Variants in ZFP82 observed in about 807,000 individuals in gnomAD.
The protein encoded by ZFP82 is zinc finger protein 82 homolog.
A neutral mutation model predicts 54.0 loss-of-function variants in ZFP82; 30 were observed. That is an observed-to-expected ratio of 0.56 (90% CI 0.42 to 0.75). The LOEUF (loss-of-function observed/expected upper bound fraction) is 0.75, where lower values mean the gene tolerates loss of function less well. Among genes scored for constraint, ZFP82 ranks in the 30% least tolerant of loss-of-function variants. ZFP82 has a pLI of 0.00. For synonymous variants in ZFP82, 194 were observed against 209.5 expected, an observed-to-expected ratio of 0.93 and a Z score of 0.64; for missense variants, 500 against 636.8, an observed-to-expected ratio of 0.79 and a Z score of 2.31.
chr19:36,386,666 G>A (rs917657599), downstream of ZFP82, among the ~76,000 whole-genome samples: 9 of 152,210 alleles, frequency 5.9e-5, no homozygotes, highest in Non-Finnish European at 1.2e-4. Context: ...GGCTGGGTGC[G>A]CTGGCTCACG....
At chr19:36,394,622 C>T (rs919507050) in intron 4 of ZFP82, 3 of 155,952 alleles carry the variant, frequency 1.9e-5, no homozygotes, top group East Asian at 3.8e-4. Flanking sequence ...CTGGAGAGGC[C>T]TCCTTGCAGA....
At chr19:36,415,149 CAGA>C (rs1293660732) in intron 1 of ZFP82, among the ~76,000 whole-genome samples, 3 of 152,144 alleles carry the variant, frequency 2.0e-5, no homozygotes, top group African/African-American at 7.2e-5. Context: ...CAAAGTGTTG[CAGA>C]GTCTTTGTCT....
downstream of ZFP82, chr19:36,384,579 T>C (rs1424689174): frequency 6.6e-6 from 1 of 152,174 alleles, no homozygotes; most frequent in Non-Finnish European, 1.5e-5. Flanking sequence ...CCCCAAGAAA[T>C]ATAGTACACA....
At chr19:36,403,352 G>A (rs1260172684) in intron 4 of ZFP82, among the ~76,000 whole-genome samples, 9 of 109,178 alleles carry the variant, frequency 8.2e-5, no homozygotes, top group African/African-American at 2.7e-4. Flanking sequence ...GGCCAGGCGC[G>A]GTGGCTCACA....
chr19:36,384,067 T>A (rs1329430537), downstream of ZFP82: 1 of 152,162 alleles, frequency 6.6e-6, no homozygotes, highest in East Asian at 1.9e-4. Context: ...TCTACTTCTA[T>A]GACAGTATCT....
Position 36,393,445 on chromosome 19 carries a change from G to A in ZFP82, c.895C>T (p.Arg299Trp), listed in dbSNP as rs768172786. The A allele has an allele frequency of 2.5e-6, 4 of 1,613,858 alleles. No individual in the cohort carries two copies. Among genetic ancestry groups the A allele is most frequent in the African/African-American group, 1.3e-5 (1 of 74,956 alleles). ...TCAGCACTATTAAGCTTCTGATGCC[G>A]AGTCAGGTGTGCGTACTGTCTAAAG... ...KAFRQYAHLT[R>W]HQKLNSADRL... Residue 299 changes from arginine to tryptophan, a missense_variant, in exon 5 of 5, where the codon CGG (arginine) becomes TGG (tryptophan). Coordinates refer to ENST00000392161, the MANE Select transcript of ZFP82 (RefSeq NM_133466.4).
intron 1 of ZFP82, 67 bp downstream of exon 1, chr19:36,418,425 G>GAC (rs1220084438): frequency 1.3e-5 from 2 of 152,412 alleles, no homozygotes; most frequent in Non-Finnish European, 2.9e-5. Context: ...TCACGCCCAC[G>GAC]ACACACACAC....
At chr19:36,415,831 A>G (rs762702820) in intron 1 of ZFP82, among the ~76,000 whole-genome samples, 5 of 152,220 alleles carry the variant, frequency 3.3e-5, no homozygotes, top group Non-Finnish European at 5.9e-5. Context: ...CAAATAAGTA[A>G]CACCCATCAG....
chr19:36,394,817 T>C (rs534005130), intron 4 of ZFP82: 1 of 152,342 alleles, frequency 6.6e-6, no homozygotes, highest in East Asian at 1.9e-4. Context: ...TATTCTCTAT[T>C]CCTTGCCTTT....
In ZFP82 at chr19:36,390,331, C is replaced by CTTTTTTTTTTTTTTT. The variant is rs10695573; in HGVS notation, c.*2395_*2409dup. 1 of 130,688 alleles carries CTTTTTTTTTTTTTTT rather than the reference C, an allele frequency of 7.7e-6. No homozygotes were observed. Among genetic ancestry groups the CTTTTTTTTTTTTTTT allele is most frequent in the African/African-American group, 3.0e-5 (1 of 33,774 alleles). The allele number at this position is 130,688 out of a possible 1,614,324, so 8.1% of individuals were successfully genotyped here. ...TTAAAGTGTAGGATTCCATTTTTGT[C>CTTTTTTTTTTTTTTT]TTTTTTTTTTTTTTTTTTGACATGT... On this transcript the variant is annotated 3_prime_UTR_variant, in exon 5 of 5. Transcript: ENST00000392161.
At chr19:36,413,865 C>T (rs922791386) in intron 1 of ZFP82, among the ~76,000 whole-genome samples, 4 of 151,894 alleles carry the variant, frequency 2.6e-5, no homozygotes, top group Admixed American at 1.3e-4. Flanking sequence ...CATCACATAC[C>T]CCTCATTCCA....
At chr19:36,416,428 G>A (rs1171959016) in intron 1 of ZFP82, among the ~76,000 whole-genome samples, 1 of 152,112 alleles carries the variant, frequency 6.6e-6, no homozygotes, top group Non-Finnish European at 1.5e-5. Flanking sequence ...TCCCCTGAAA[G>A]CCTCAAATGA....
At chr19:36,395,425 T>C (rs2145581673) in intron 4 of ZFP82, 2 of 152,364 alleles carry the variant, frequency 1.3e-5, no homozygotes, top group South Asian at 4.1e-4. Context: ...AAAACACGTC[T>C]ATATCTTACT....
chr19:36,417,043 A>T, intron 1 of ZFP82, among the ~76,000 whole-genome samples: 1 of 115,176 alleles, frequency 8.7e-6, no homozygotes. Context: ...ACTGCACTCC[A>T]ACCTGGGTGA....
At chr19:36,415,371 T>G (rs2967504) in intron 1 of ZFP82, among the ~76,000 whole-genome samples, 1 of 151,902 alleles carries the variant, frequency 6.6e-6, no homozygotes, top group Admixed American at 6.5e-5. Context: ...CTAAATATAG[T>G]TGGCAGCTTA....
intron 1 of ZFP82, 74 bp from the exon 2 acceptor site, chr19:36,409,941 C>T: frequency 1.4e-6 from 1 of 732,496 alleles, no homozygotes; most frequent in Non-Finnish European, 2.3e-6. Context: ...TTACTGTGAC[C>T]TTTCCCCTCT....
At chr19:36,396,489 T>C (rs549971361) in intron 4 of ZFP82, among the ~76,000 whole-genome samples, 6 of 151,994 alleles carry the variant, frequency 3.9e-5, no homozygotes, top group African/African-American at 1.4e-4. Context: ...CTACTAAAAA[T>C]AGACACACAC....
In ZFP82 at chr19:36,405,593, T is replaced by A; in HGVS notation, c.216A>T (p.Arg72Ser). Residue 72 changes from arginine (R) to serine (S), a missense_variant, in exon 4 of 5, where the codon AGA becomes AGT. By Grantham distance (110) the Arg-to-Ser change is moderately radical. Transcript: ENST00000392161. ...ACTAGCCCTCACCTGGATATTGTCT[T>A]CTTCCTTTCCTCACAACTTTCCAAG... ...KEPWKVVRKG[R>S]RQYPDLETKY... 8 of 1,610,900 alleles carry A rather than the reference T, an allele frequency of 5.0e-6. No homozygotes were observed. The highest frequency in any genetic ancestry group is 6.8e-6 in the Non-Finnish European group (8 of 1,177,724).
intron 4 of ZFP82, among the ~76,000 whole-genome samples, chr19:36,396,655 CA>C (rs911615294): frequency 6.0e-5 from 9 of 149,316 alleles, no homozygotes; most frequent in East Asian, 2.0e-4. Context: ...GACTCCATCT[CA>C]AAAAAAAATA....
Sources: gnomAD v4.1 joint callset for allele counts (sites outside exome capture counted in the v4.1 genomes callset) on GRCh38, gnomAD v4.1.1 for gene constraint, MANE v1.5 for transcripts, NCBI Gene and HGNC (gene_info 2026-07-23, HGNC 2026-07-21) for gene names.